The following RNF175 variants were observed in gnomAD, a reference collection of about 807,000 sequenced individuals.
The protein encoded by RNF175 is ring finger protein 175.
A neutral mutation model predicts 50.0 loss-of-function variants in RNF175; 38 were observed. The ratio of observed to expected loss-of-function variants is 0.76; its 90% CI spans 0.59 to 1.00. The LOEUF (loss-of-function observed/expected upper bound fraction) is 1.00, where lower values mean the gene tolerates loss of function less well. Ranked by LOEUF, RNF175 falls within the 50% of genes least tolerant of loss-of-function variation. RNF175 has a pLI of 0.00. For missense variants in RNF175, 388 were observed against 409.6 expected (o/e 0.95, Z 0.46); for synonymous variants, 155 against 146.1 (o/e 1.06, Z -0.44).
At chr4:153,737,246 T>G (rs1414193464) in intron 3 of RNF175, among the ~76,000 whole-genome samples, 1 of 152,126 alleles carries the variant, frequency 6.6e-6, no homozygotes, top group Non-Finnish European at 1.5e-5. Flanking sequence ...TTTATTGATC[T>G]TTTCAAAGAA....
intron 2 of RNF175, among the ~76,000 whole-genome samples, chr4:153,749,771 G>A (rs1423844779): frequency 1.3e-5 from 2 of 152,124 alleles, no homozygotes; most frequent in Non-Finnish European, 2.9e-5. Context: ...GACCATTTCT[G>A]GGTGTTGGGG....
chr4:153,748,445 C>T (rs1381055009), intron 3 of RNF175, 200 bp downstream of exon 3: 3 of 475,216 alleles, frequency 6.3e-6, no homozygotes, highest in African/African-American at 4.0e-5. Context: ...TTTTCACCCC[C>T]CACAAGTCTT....
intron 3 of RNF175, among the ~76,000 whole-genome samples, chr4:153,739,348 G>C (rs1739525242): frequency 1.3e-5 from 2 of 150,342 alleles, no homozygotes; most frequent in African/African-American, 2.5e-5. Flanking sequence ...TTGAACCCAG[G>C]AGGCGACGGG....
chr4:153,726,085 G>A (rs970723501), intron 4 of RNF175, among the ~76,000 whole-genome samples: 6 of 151,992 alleles, frequency 3.9e-5, no homozygotes, highest in African/African-American at 1.5e-4. Context: ...GTGTGTGTGT[G>A]TGTGTGTGTG....
chr4:153,715,756 C>A (rs1399388733), intron 6 of RNF175, 94 bp from the exon 7 acceptor site: 15 of 1,327,876 alleles, frequency 1.1e-5, no homozygotes, highest in Non-Finnish European at 3.1e-6. Context: ...GGACAGGCAG[C>A]CCTTGGCACA....
At chr4:153,719,790 A>G (rs2606321) in intron 6 of RNF175, among the ~76,000 whole-genome samples, 80,448 of 151,776 alleles carry the variant, frequency 0.53, 21,997 homozygotes, top group Non-Finnish European at 0.62. Context: ...TGCATCATCA[A>G]CTATAGTTTT....
intron 3 of RNF175, among the ~76,000 whole-genome samples, chr4:153,734,665 CTTTTTTT>C (rs56211482): frequency 1.8e-4 from 13 of 73,180 alleles, no homozygotes; most frequent in East Asian, 9.3e-4. Context: ...TTTTTTTATT[CTTTTTTT>C]TTTTTTTTTT....
At chr4:153,748,891 AC>A (rs1690127966) in intron 2 of RNF175, 105 bp from the exon 3 acceptor site, 2 of 1,023,356 alleles carry the variant, frequency 2.0e-6, no homozygotes, top group Non-Finnish European at 2.8e-6. Context: ...GGTTTGGCTT[AC>A]AAAAAGCAAC....
At chr4:153,729,523 T>C (rs144540610) in intron 3 of RNF175, among the ~76,000 whole-genome samples, 91 of 152,356 alleles carry the variant, frequency 6.0e-4, no homozygotes, top group Non-Finnish European at 1.1e-3. Flanking sequence ...TCTATGGATA[T>C]ATTGTTGGAT....
intron 3 of RNF175, among the ~76,000 whole-genome samples, chr4:153,738,170 C>T (rs1337872070): frequency 1.3e-5 from 2 of 152,142 alleles, no homozygotes; most frequent in African/African-American, 4.8e-5. Flanking sequence ...CCATCTCAGC[C>T]TCTGGAGTAG....
At chr4:153,731,685 G>GAGGAAGGAAGGAAGGAAGGGAGGA (rs1739044392) in intron 3 of RNF175, among the ~76,000 whole-genome samples, 1 of 148,470 alleles carries the variant, frequency 6.7e-6, no homozygotes, top group Non-Finnish European at 1.5e-5. Flanking sequence ...GGGAGGGAGG[G>GAGGAAGGAAGGAAGGAAGGGAGGA]AGGAAGGAAG....
chr4:153,718,483 C>G (rs1467108340), intron 6 of RNF175, among the ~76,000 whole-genome samples: 1 of 151,908 alleles, frequency 6.6e-6, no homozygotes, highest in Admixed American at 6.6e-5. Flanking sequence ...AATAAACAGA[C>G]AGGATGACAA....
chr4:153,728,272 G>A lies in RNF175; in HGVS notation c.336C>T (p.Phe112=), dbSNP rs926964743. 2.5e-6 allele frequency: 4 copies of A among 1,613,222 alleles called. No homozygotes were observed. Among genetic ancestry groups the A allele is most frequent in the African/African-American group, 2.7e-5 (2 of 74,916 alleles). The change falls in exon 4 of 9, where the codon TTC becomes TTT. Residue 112 remains phenylalanine, a synonymous_variant. Coordinates refer to ENST00000347063, the MANE Select transcript of RNF175 (RefSeq NM_173662.4). ...WWRFLSMWGM[F]SVITSYILFR... ...AGAGGATGTAACTGGTAATAACGGA[G>A]AACATCCCCCACATAGACAGAAACC...
intron 2 of RNF175, among the ~76,000 whole-genome samples, chr4:153,750,236 T>C (rs1051497336): frequency 2.0e-5 from 3 of 152,242 alleles, no homozygotes. Context: ...TTAGCTAATG[T>C]ACCACCCAGA....
chr4:153,756,361 C>T (rs939319891), intron 1 of RNF175, among the ~76,000 whole-genome samples: 41 of 152,144 alleles, frequency 2.7e-4, no homozygotes, highest in African/African-American at 8.4e-4. Flanking sequence ...AATTAACCTG[C>T]CCTAAAGTGA....
intron 3 of RNF175, among the ~76,000 whole-genome samples, chr4:153,744,742 CTT>C (rs2127151446): frequency 1.3e-5 from 2 of 152,224 alleles, no homozygotes; most frequent in South Asian, 4.2e-4. Flanking sequence ...GTTTAAAGAA[CTT>C]TTCTTTGATA....
At chr4:153,731,672 A>G (rs1030359660) in intron 3 of RNF175, among the ~76,000 whole-genome samples, 2 of 146,454 alleles carry the variant, frequency 1.4e-5, no homozygotes, top group South Asian at 2.2e-4. Flanking sequence ...AGAAAGAGAG[A>G]GAGGGAGGGA....
rs368796891 is a variant in RNF175, at chr4:153,710,443, G to A, written c.913C>T (p.Arg305Cys). Residue 305 changes from arginine to cysteine, a missense_variant, in exon 9 of 9, where the codon CGT (arginine) becomes TGT (cysteine). Coordinates refer to ENST00000347063, the MANE Select transcript of RNF175 (RefSeq NM_173662.4). Reference protein sequence around the residue: ...FLYGQILDWLRYLVAWQPVVI... With the variant: ...FLYGQILDWLCYLVAWQPVVI... ...ACAGGTTGCCAGGCCACCAAATAAC[G>A]AAGCCAATCCAGGATTTGTCCATAC... 14 of 1,600,904 alleles carry A rather than the reference G, an allele frequency of 8.7e-6. No individual in the cohort carries two copies. The highest frequency in any genetic ancestry group is 1.7e-4 in the Middle Eastern group (1 of 6,058).
At chr4:153,712,867 T>TC (rs58138410) in intron 7 of RNF175, among the ~76,000 whole-genome samples, 4 of 151,566 alleles carry the variant, frequency 2.6e-5, no homozygotes, top group African/African-American at 7.3e-5. Flanking sequence ...TTTTTTTTTT[T>TC]CCTTTACAGT....
Sources: gnomAD v4.1 joint callset for allele counts (sites outside exome capture counted in the v4.1 genomes callset) on GRCh38, gnomAD v4.1.1 for gene constraint, MANE v1.5 for transcripts, NCBI Gene and HGNC (gene_info 2026-07-23, HGNC 2026-07-21) for gene names.